The following NKAIN3 variants were observed in gnomAD, a reference collection of about 807,000 sequenced individuals.
NKAIN3 encodes sodium/potassium transporting ATPase interacting 3, also known as sodium/potassium-transporting ATPase subunit beta-1-interacting protein 3.
Under a neutral mutation model 30.2 loss-of-function variants are expected in NKAIN3, and 25 were observed. That is an observed-to-expected ratio of 0.83 (90% confidence interval 0.60 to 1.16). NKAIN3 has a LOEUF of 1.16. Ranked by LOEUF, NKAIN3 falls within the 50% of genes most tolerant of loss-of-function variation. The pLI, the probability that NKAIN3 is intolerant of heterozygous loss-of-function variation, is 0.00. For missense variants in NKAIN3, 225 were observed against 254.1 expected, an observed-to-expected ratio of 0.89 and a Z score of 0.78; for synonymous variants, 91 against 89.6, an observed-to-expected ratio of 1.02 and a Z score of -0.09.
intron 1 of NKAIN3, among the ~76,000 whole-genome samples, chr8:62,390,350 A>T (rs1390125467): frequency 2.0e-5 from 3 of 152,142 alleles, no homozygotes; most frequent in Non-Finnish European, 2.9e-5. Context: ...GCCGGCTCCA[A>T]CCATGTTCCT....
chr8:62,407,677 C>T lies in NKAIN3; in HGVS notation c.54+158550C>T, dbSNP rs148607372. 2.5e-3 allele frequency among the ~76,000 whole-genome samples: 388 copies of T among 152,276 alleles called. 19 individuals are homozygous for T. In the East Asian group the frequency reaches 0.068, roughly 27 times the overall value. ...CGATCTCTTGATCTCGTGATCCACC[C>T]GCCTCAGCCTCCCAAAGTGCTGGGA... On this transcript the variant is annotated intron_variant, in intron 1 of 6. Coordinates refer to ENST00000623646, the MANE Select transcript of NKAIN3 (RefSeq NM_001304533.3).
At chr8:62,664,654 C>G (rs1238039019) in intron 3 of NKAIN3, among the ~76,000 whole-genome samples, 2 of 152,122 alleles carry the variant, frequency 1.3e-5, no homozygotes, top group African/African-American at 4.8e-5. Flanking sequence ...TTCCCCTTTT[C>G]CTGTATTTTA....
intron 1 of NKAIN3, among the ~76,000 whole-genome samples, chr8:62,579,035 A>G (rs1345357478): frequency 1.3e-5 from 2 of 152,160 alleles, no homozygotes; most frequent in Non-Finnish European, 2.9e-5. Context: ...AAAACAATTA[A>G]AATAGTGGAA....
intron 4 of NKAIN3, among the ~76,000 whole-genome samples, chr8:62,808,680 T>C (rs1442853893): frequency 6.6e-6 from 1 of 152,004 alleles, no homozygotes; most frequent in Non-Finnish European, 1.5e-5. Context: ...AGTGTATGAA[T>C]AGAGTGTGGG....
At chr8:62,897,418 A>T (rs1292625036) in intron 4 of NKAIN3, among the ~76,000 whole-genome samples, 2 of 152,172 alleles carry the variant, frequency 1.3e-5, no homozygotes, top group Non-Finnish European at 1.5e-5. Flanking sequence ...TGAAAAAAAT[A>T]AACTGATTTG....
chr8:62,501,875 C>G (rs1308352693), intron 1 of NKAIN3, among the ~76,000 whole-genome samples: 1 of 152,100 alleles, frequency 6.6e-6, no homozygotes, highest in Non-Finnish European at 1.5e-5. Context: ...AACAATATAC[C>G]TATGCTAAGT....
intron 1 of NKAIN3, among the ~76,000 whole-genome samples, chr8:62,506,476 C>CTTTCTTTCTTTTTTTTTTTTT (rs71559373): frequency 1.5e-4 from 15 of 98,438 alleles, no homozygotes; most frequent in Non-Finnish European, 2.1e-4. Context: ...TTCTTTCTTT[C>CTTTCTTTCTTTTTTTTTTTTT]TTTTTTTTTT....
intron 1 of NKAIN3, among the ~76,000 whole-genome samples, chr8:62,260,651 C>A (rs904457266): frequency 2.6e-5 from 4 of 152,030 alleles, no homozygotes; most frequent in Admixed American, 6.6e-5. Flanking sequence ...GGTGAACGGC[C>A]GATGCAGGCA....
intron 3 of NKAIN3, among the ~76,000 whole-genome samples, chr8:62,720,069 A>G (rs1024982704): frequency 1.3e-4 from 20 of 151,598 alleles, no homozygotes; most frequent in African/African-American, 4.9e-4. Context: ...TATTTCTATC[A>G]GATGCAAGAA....
At chr8:62,803,962 A>AC (rs1818173622) in intron 4 of NKAIN3, among the ~76,000 whole-genome samples, 1 of 152,192 alleles carries the variant, frequency 6.6e-6, no homozygotes, top group South Asian at 2.1e-4. Flanking sequence ...AATACAAACT[A>AC]CCATGAGAGA....
intron 4 of NKAIN3, among the ~76,000 whole-genome samples, chr8:62,767,039 A>G (rs1001624976): frequency 6.6e-6 from 1 of 151,934 alleles, no homozygotes; most frequent in African/African-American, 2.4e-5. Flanking sequence ...GTGGACATCT[A>G]TTGTCTTTGC....
At chr8:62,827,540 C>T (rs1252028816) in intron 4 of NKAIN3, among the ~76,000 whole-genome samples, 1 of 152,152 alleles carries the variant, frequency 6.6e-6, no homozygotes, top group African/African-American at 2.4e-5. Context: ...TCACCTAAAT[C>T]ATCTGGCTGG....
At chr8:62,628,919 C>T (rs774782293) in intron 3 of NKAIN3, among the ~76,000 whole-genome samples, 10 of 152,132 alleles carry the variant, frequency 6.6e-5, no homozygotes, top group Non-Finnish European at 8.8e-5. Context: ...AGCATAGTGG[C>T]TGCAATGTAG....
chr8:62,656,391 A>G (rs1012533664), intron 3 of NKAIN3, among the ~76,000 whole-genome samples: 2 of 152,200 alleles, frequency 1.3e-5, no homozygotes, highest in African/African-American at 4.8e-5. Context: ...GTGTATACAT[A>G]TGTAACAAAC....
At chr8:62,416,218 C>T (rs1804440648) in intron 1 of NKAIN3, among the ~76,000 whole-genome samples, 1 of 152,204 alleles carries the variant, frequency 6.6e-6, no homozygotes, top group Non-Finnish European at 1.5e-5. Context: ...ATCTACAATT[C>T]ATACTCATTA....
chr8:62,630,384 A>C (rs1811918612), intron 3 of NKAIN3, among the ~76,000 whole-genome samples: 1 of 152,146 alleles, frequency 6.6e-6, no homozygotes, highest in East Asian at 1.9e-4. Flanking sequence ...GCCATACAGC[A>C]GACAATTATA....
At chr8:62,488,898 C>A (rs985141452) in intron 1 of NKAIN3, among the ~76,000 whole-genome samples, 6 of 152,130 alleles carry the variant, frequency 3.9e-5, no homozygotes. Context: ...ACCTGTGTAT[C>A]CTTAACCTCC....
chr8:62,358,570 G>C (rs1816434541), intron 1 of NKAIN3, among the ~76,000 whole-genome samples: 1 of 152,102 alleles, frequency 6.6e-6, no homozygotes, highest in Non-Finnish European at 1.5e-5. Flanking sequence ...ATTTGTAAGA[G>C]ATGGGCACTG....
chr8:62,496,211 G>A (rs929716449), intron 1 of NKAIN3, among the ~76,000 whole-genome samples: 1 of 152,186 alleles, frequency 6.6e-6, no homozygotes, highest in East Asian at 1.9e-4. Flanking sequence ...AATTGTAAAT[G>A]CACACAAGAA....
Sources: allele counts gnomAD v4.1 joint callset (sites outside exome capture counted in the v4.1 genomes callset), GRCh38; gene constraint gnomAD v4.1.1; transcripts MANE v1.5; gene names NCBI Gene and HGNC (gene_info 2026-07-23, HGNC 2026-07-21).